The following PLEKHG7 variants were observed in gnomAD, a reference collection of about 807,000 sequenced individuals.
PLEKHG7 encodes the protein pleckstrin homology and RhoGEF domain containing G7, also known as pleckstrin homology domain-containing family G member 7.
In PLEKHG7, 77 loss-of-function variants were observed where a neutral mutation model predicts 85.2. That is an observed-to-expected ratio of 0.90 (90% CI 0.75 to 1.09). The LOEUF (loss-of-function observed/expected upper bound fraction) is 1.09, where lower values mean the gene tolerates loss of function less well. Among genes scored for constraint, PLEKHG7 ranks in the 50% least tolerant of loss-of-function variants. The probability of loss-of-function intolerance (pLI) is 0.00; values close to 1 mark genes in which losing one functional copy is unlikely to be tolerated. For synonymous variants in PLEKHG7, 301 were observed against 302.4 expected (o/e 1.00, Z 0.05); for missense variants, 777 against 804.3 (o/e 0.97, Z 0.41).
chr12:92,768,716 C>G (rs975323641), intron 15 of PLEKHG7, among the ~76,000 whole-genome samples: 5 of 151,998 alleles, frequency 3.3e-5, no homozygotes. Context: ...ATTACCTAAG[C>G]CTTAGTTGCA....
At chr12:92,706,004 A>T (rs979582420) in intron 1 of PLEKHG7, among the ~76,000 whole-genome samples, 1 of 152,244 alleles carries the variant, frequency 6.6e-6, no homozygotes, top group African/African-American at 2.4e-5. Flanking sequence ...TACATCAGTT[A>T]CCTTCAAAGC....
chr12:92,745,685 G>C (rs1047945806), intron 10 of PLEKHG7, 94 bp downstream of exon 10: 2 of 819,896 alleles, frequency 2.4e-6, no homozygotes, highest in Non-Finnish European at 4.0e-6. Context: ...AAATGGGAAA[G>C]AAGAAAACAA....
At chr12:92,731,922 T>G (rs71456575) in intron 4 of PLEKHG7, among the ~76,000 whole-genome samples, 2 of 152,160 alleles carry the variant, frequency 1.3e-5, no homozygotes, top group African/African-American at 4.8e-5. Context: ...CTCAACATCT[T>G]CAGTACAGTT....
rs141663736 is a variant in PLEKHG7, at chr12:92,740,659, C to T, written c.940-194C>T. Among the ~76,000 whole-genome samples, 40 of 152,268 alleles carry T rather than the reference C, an allele frequency of 2.6e-4. No homozygotes were observed. In the East Asian group the frequency reaches 7.1e-3, roughly 27 times the overall value. ...CAACCACAACTTTCATACTGAAAAG[C>T]TCATTTCCAATATGTTCTTTGAAGC... is the stretch of plus-strand genomic sequence containing the variant. On this transcript the variant is annotated intron_variant, in intron 7 of 16. Transcript: ENST00000344636.
Position 92,732,293 on chromosome 12 carries a change from AT to A in PLEKHG7, c.699+25del. The A allele has an allele frequency of 8.1e-7, 1 of 1,228,436 alleles. No individual in the cohort carries two copies. The highest frequency in any genetic ancestry group is 1.0e-6 in the Non-Finnish European group (1 of 984,678). The allele number at this position is 1,228,436 out of a possible 1,614,324, so 76.1% of individuals were successfully genotyped here. ...GGAGTGGTAAGTGTTGCAAATTGCC[AT>A]TTTTGTTTTAATTAAGCTTCCTGTA... On this transcript the variant is annotated intron_variant, in intron 5 of 16. Coordinates refer to ENST00000344636, the MANE Select transcript of PLEKHG7 (RefSeq NM_001377329.1).
chr12:92,761,628 AAGAAAGAAAG>A (rs1592688867), intron 13 of PLEKHG7, 114 bp from the exon 14 acceptor site: 12 of 104,720 alleles, frequency 1.1e-4, no homozygotes, highest in Middle Eastern at 3.0e-3. Flanking sequence ...AGAAAGAAGA[AAGAAAGAAAG>A]AAAGAAAGAA....
Position 92,729,013 on chromosome 12 carries a change from G to A in PLEKHG7, c.551G>A (p.Ser184Asn). 2 of 1,231,852 alleles carry A rather than the reference G, an allele frequency of 1.6e-6. No homozygotes were observed. The highest frequency in any genetic ancestry group is 2.0e-6 in the Non-Finnish European group (2 of 987,796). 76.3% of individuals were successfully genotyped at this position (1,231,852 alleles called of 1,614,324 possible). A position where few individuals can be genotyped will look rare whatever the true frequency, so the allele number is the denominator to read the frequency against. The change falls in exon 4 of 17, where the codon AGT (serine) becomes AAT (asparagine). Residue 184 changes from serine (S) to asparagine (N), a missense_variant. Ser to Asn is a conservative substitution (Grantham distance 46, BLOSUM62 1). Transcript: ENST00000344636. ...CACAGGTTCTACGAGCACAGGCGGA[G>A]TTCTGTGGTGCTGAACTTACCTGGA... The part of the protein sequence containing the change: ...HPSRFYEHRR[S>N]SVVLNLPGLE...
intron 14 of PLEKHG7, among the ~76,000 whole-genome samples, 157 bp downstream of exon 14, chr12:92,761,988 C>T (rs186599816): frequency 5.3e-5 from 8 of 151,744 alleles, no homozygotes; most frequent in Admixed American, 2.0e-4. Context: ...CTTTTTTAGT[C>T]ATAAAGCTCT....
At position 92,761,747 on chromosome 12, in the gene PLEKHG7, C is replaced by A. The variant is rs779814167; in HGVS notation, c.1637-5C>A. The A allele has an allele frequency of 6.4e-7, 1 of 1,559,032 alleles. No homozygotes were observed. Among genetic ancestry groups the A allele is most frequent in the African/African-American group, 1.4e-5 (1 of 70,838 alleles). The stretch of plus-strand genomic sequence containing the variant: ...CCCCATTTCAGCTTCTCTTTTTTTC[C>A]TCAGAAAGCACGAGATTCCTAGATG... On this transcript the variant is annotated splice_polypyrimidine_tract_variant and splice_region_variant and intron_variant, in intron 13 of 16. Transcript: ENST00000344636.
chr12:92,735,422 A>G (rs1211017499), intron 5 of PLEKHG7, among the ~76,000 whole-genome samples: 1 of 152,210 alleles, frequency 6.6e-6, no homozygotes, highest in East Asian at 1.9e-4. Flanking sequence ...GGAGCCCCCT[A>G]CCTGCAACAG....
chr12:92,714,458 G>T (rs558658500), intron 3 of PLEKHG7, among the ~76,000 whole-genome samples: 4 of 152,292 alleles, frequency 2.6e-5, no homozygotes, highest in African/African-American at 4.8e-5. Context: ...GTAGGCACCT[G>T]GTGGGGCTGT....
chr12:92,763,562 C>A (rs749751473), intron 14 of PLEKHG7, among the ~76,000 whole-genome samples: 1 of 152,140 alleles, frequency 6.6e-6, no homozygotes, highest in African/African-American at 2.4e-5. Context: ...CTCCTGTAAT[C>A]CCAGCACTTT....
At chr12:92,745,443 G>C in intron 9 of PLEKHG7, 35 bp from the exon 10 acceptor site, 2 of 1,398,304 alleles carry the variant, frequency 1.4e-6, no homozygotes, top group Non-Finnish European at 2.0e-6. Context: ...TCCTTAACTT[G>C]TGTTCATCCT....
At chr12:92,753,730 C>A (rs889618413) in intron 10 of PLEKHG7, among the ~76,000 whole-genome samples, 8 of 152,202 alleles carry the variant, frequency 5.3e-5, no homozygotes, top group African/African-American at 1.7e-4. Context: ...TTCTGCCTCT[C>A]CAGTCTCAAT....
Position 92,761,622 on chromosome 12 carries a change from AG to A in PLEKHG7, c.1637-129del, listed in dbSNP as rs1461722059. 18 of 885,844 alleles carry A rather than the reference AG, an allele frequency of 2.0e-5. No individual in the cohort carries two copies. The African/African-American group carries it at 3.4e-4, about 17-fold the overall frequency. 54.9% of individuals were successfully genotyped at this position (885,844 alleles called of 1,614,324 possible). A position where few individuals can be genotyped will look rare whatever the true frequency, so the allele number is the denominator to read the frequency against. On this transcript the variant is annotated intron_variant, in intron 13 of 16. Coordinates refer to ENST00000344636, the MANE Select transcript of PLEKHG7 (RefSeq NM_001377329.1). ...GAAAGAAAGAAAAAGAAAGAAAGAA[AG>A]AAGAAAGAAAGAAAGAAAGAAAGAA... is the stretch of plus-strand genomic sequence containing the variant.
Position 92,728,061 on chromosome 12 carries a change from T to C in PLEKHG7, c.531-932T>C, listed in dbSNP as rs868337236. The stretch of plus-strand genomic sequence containing the variant: ...TCCATGGTGTATATATAAATATATA[T>C]ACACACCACATTCCATGGTGTATAT... On this transcript the variant is annotated intron_variant, in intron 3 of 16. Transcript: ENST00000344636. Among the ~76,000 whole-genome samples the C allele has an allele frequency of 7.7e-4, 37 of 48,296 alleles. 1 individual carries two copies. The highest frequency in any genetic ancestry group is 2.5e-3 in the African/African-American group (37 of 14,716). 31.7% of individuals were successfully genotyped at this position (48,296 alleles called of 152,430 possible).
chr12:92,706,335 T>C (rs1592670151), intron 1 of PLEKHG7, 136 bp from the exon 2 acceptor site: 2 of 282,402 alleles, frequency 7.1e-6, no homozygotes, highest in East Asian at 1.3e-4. Flanking sequence ...CTTCTGAACG[T>C]AAAGGATGCT....
At position 92,770,826 on chromosome 12, in the gene PLEKHG7, A is replaced by G. The variant is rs1323233713; in HGVS notation, c.*631A>G. The G allele has an allele frequency of 7.2e-6, 1 of 138,752 alleles. No individual in the cohort carries two copies. The highest frequency in any genetic ancestry group is 2.7e-5 in the African/African-American group (1 of 37,716). 8.6% of individuals were successfully genotyped at this position (138,752 alleles called of 1,614,324 possible). A position where few individuals can be genotyped will look rare whatever the true frequency, so the allele number is the denominator to read the frequency against. On this transcript the variant is annotated 3_prime_UTR_variant, in exon 17 of 17. Transcript: ENST00000344636. ...AAAGACTAAATTCCATTACTTTAAG[A>G]TAGGAAGAAAAAAAAAATCTGGCTT...
At position 92,720,655 on chromosome 12, in the gene PLEKHG7, C is replaced by T. The variant is rs542168868; in HGVS notation, c.531-8338C>T. Among the ~76,000 whole-genome samples, 19 of 152,206 alleles carry T rather than the reference C, an allele frequency of 1.2e-4. No individual in the cohort carries two copies. In the South Asian group the frequency reaches 1.9e-3, roughly 15 times the overall value. On this transcript the variant is annotated intron_variant, in intron 3 of 16. Transcript: ENST00000344636. The stretch of plus-strand genomic sequence containing the variant: ...AAGTGTCTTTTATAAGGACATTTGT[C>T]GTTGGATTTAGGGCCCACTCAGACA...
Sources: gnomAD v4.1 joint callset for allele counts (sites outside exome capture counted in the v4.1 genomes callset) on GRCh38, gnomAD v4.1.1 for gene constraint, MANE v1.5 for transcripts, NCBI Gene and HGNC (gene_info 2026-07-23, HGNC 2026-07-21) for gene names.